PI4KA: variants seen among roughly 807,000 people sequenced by gnomAD.
PI4KA encodes the protein PI4-kinase alpha.
In PI4KA, 122 loss-of-function variants were observed where a neutral mutation model predicts 271.4. That is an observed-to-expected ratio of 0.45 (90% CI 0.39 to 0.52). The LOEUF (loss-of-function observed/expected upper bound fraction) is 0.52, where lower values mean the gene tolerates loss of function less well. Ranked by LOEUF, PI4KA falls within the 20% of genes least tolerant of loss-of-function variation. The pLI is 0.00. For synonymous variants in PI4KA, 1,041 were observed against 1,078.8 expected (o/e 0.96, Z 0.69); for missense variants, 1,969 against 2,769.1 (o/e 0.71, Z 6.48).
intron 7 of PI4KA, among the ~76,000 whole-genome samples, chr22:20,817,260 G>C (rs773291089): frequency 1.6e-4 from 25 of 152,060 alleles, no homozygotes; most frequent in Non-Finnish European, 2.8e-4. Context: ...TTCAAAAAAG[G>C]AGAGACTATA....
rs4675 is a variant in PI4KA at position 20,787,012 on chromosome 22, T to C, written c.2328+6181A>G. Reference sequence around the variant, plus strand: ...CCTTTCTTTTCCTCATCTACGAGCATCGCACCAGCTGCCTGCTCTTCATGG... The same window carrying C: ...CCTTTCTTTTCCTCATCTACGAGCACCGCACCAGCTGCCTGCTCTTCATGG... On this transcript the variant is annotated intron_variant, in intron 19 of 54. Coordinates refer to ENST00000255882, the MANE Select transcript of PI4KA (RefSeq NM_058004.4). The C allele has an allele frequency of 0.45, 725,893 of 1,613,654 alleles. 166,141 individuals carry two copies. Among genetic ancestry groups the C allele is most frequent in the African/African-American group, 0.59 (44,205 of 74,876 alleles).
chr22:20,712,830 T>G, intron 48 of PI4KA, 33 bp from the exon 49 acceptor site: 1 of 1,550,586 alleles, frequency 6.4e-7, no homozygotes, highest in Non-Finnish European at 8.7e-7. Context: ...ATGCGGTCAG[T>G]TGGCGTCCTT....
At chr22:20,855,537 G>A (rs1927490143) in intron 1 of PI4KA, among the ~76,000 whole-genome samples, 1 of 152,132 alleles carries the variant, frequency 6.6e-6, no homozygotes, top group Admixed American at 6.6e-5. Flanking sequence ...TTTTTACAGT[G>A]AATGGATATC....
chr22:20,786,948 T>C (rs771239760), intron 19 of PI4KA: 5 of 1,614,168 alleles, frequency 3.1e-6, no homozygotes, highest in Non-Finnish European at 4.2e-6. Flanking sequence ...GTGGGGTTCA[T>C]GCCGCTGTCC....
At chr22:20,849,058 C>T (rs981089261) in intron 1 of PI4KA, among the ~76,000 whole-genome samples, 3 of 152,028 alleles carry the variant, frequency 2.0e-5, no homozygotes, top group Non-Finnish European at 4.4e-5. Context: ...TACAAATACC[C>T]CAAAAGAGTG....
At chr22:20,785,925 G>A (rs1199725456) in intron 19 of PI4KA, 2 of 1,570,808 alleles carry the variant, frequency 1.3e-6, no homozygotes, top group African/African-American at 1.4e-5. Flanking sequence ...ATAACCCGTG[G>A]CCCTTTAAAG....
intron 19 of PI4KA, among the ~76,000 whole-genome samples, chr22:20,780,596 T>G (rs1336077773): frequency 6.6e-6 from 1 of 151,660 alleles, no homozygotes; most frequent in African/African-American, 2.4e-5. Context: ...ACCAACATGG[T>G]GAAAACCTGG....
At chr22:20,743,382 A>G (rs1480667626) in intron 30 of PI4KA, among the ~76,000 whole-genome samples, 1 of 151,992 alleles carries the variant, frequency 6.6e-6, no homozygotes, top group African/African-American at 2.4e-5. Flanking sequence ...GACCTCAAAT[A>G]ATCCGCCCAC....
chr22:20,799,321 C>A (rs765897729), intron 15 of PI4KA, 45 bp from the exon 16 acceptor site: 1 of 1,474,414 alleles, frequency 6.8e-7, no homozygotes. Flanking sequence ...GTCCCTCCAG[C>A]ATGCAGTAGT....
At chr22:20,819,032 G>T (rs1205179891) in intron 6 of PI4KA, among the ~76,000 whole-genome samples, 1 of 152,208 alleles carries the variant, frequency 6.6e-6, no homozygotes, top group African/African-American at 2.4e-5. Flanking sequence ...GGAGCCAGGG[G>T]ACCAGAGCAA....
Position 20,779,409 on chromosome 22 carries a change from G to A in PI4KA, c.2329-13716C>T, listed in dbSNP as rs772229149. On this transcript the variant is annotated intron_variant, in intron 19 of 54. Coordinates refer to ENST00000255882, the MANE Select transcript of PI4KA (RefSeq NM_058004.4). ...GCTGGATCAGCTAGAGAAAGGAGGG[G>A]AAACTGCTCAGTCTGCAGATCCCCA... 4.3e-6 allele frequency: 7 copies of A among 1,614,234 alleles called. No homozygotes were observed. The East Asian group carries it at 1.6e-4, about 36-fold the overall frequency.
chr22:20,750,834 C>G (rs1363376943), intron 27 of PI4KA, among the ~76,000 whole-genome samples: 1 of 152,210 alleles, frequency 6.6e-6, no homozygotes, highest in African/African-American at 2.4e-5. Context: ...CCCAGTACAT[C>G]CTCCTCTTTT....
At chr22:20,788,704 C>T (rs538275631) in intron 19 of PI4KA, among the ~76,000 whole-genome samples, 262 of 152,210 alleles carry the variant, frequency 1.7e-3, no homozygotes, top group African/African-American at 3.2e-3. Flanking sequence ...TGCGGATGGC[C>T]CACTCCTTCA....
chr22:20,768,746 G>A (rs1932751955), intron 19 of PI4KA, among the ~76,000 whole-genome samples: 1 of 152,166 alleles, frequency 6.6e-6, no homozygotes, highest in Admixed American at 6.5e-5. Context: ...GGGGTGCAGG[G>A]CAGGCTCTGG....
At chr22:20,812,742 G>C (rs1392681196) in intron 8 of PI4KA, among the ~76,000 whole-genome samples, 2 of 152,124 alleles carry the variant, frequency 1.3e-5, no homozygotes, top group African/African-American at 4.8e-5. Context: ...TTTTAGTAGA[G>C]ATGGGATTTC....
chr22:20,751,254 A>C (rs764991816), intron 27 of PI4KA, 39 bp downstream of exon 27: 1 of 1,503,530 alleles, frequency 6.7e-7, no homozygotes, highest in Non-Finnish European at 9.2e-7. Context: ...GAATTGTGGT[A>C]AAGATGGCCC....
chr22:20,787,253 T>C (rs1012190263), intron 19 of PI4KA: 25 of 634,950 alleles, frequency 3.9e-5, no homozygotes, highest in African/African-American at 2.9e-4. Flanking sequence ...TTCTGCACAA[T>C]AGCCCATGCT....
At chr22:20,857,258 T>C (rs1927713902) in intron 1 of PI4KA, among the ~76,000 whole-genome samples, 1 of 152,224 alleles carries the variant, frequency 6.6e-6, no homozygotes, top group South Asian at 2.1e-4. Context: ...AGAGGTTCCA[T>C]TTTCCAAACT....
intron 3 of PI4KA, among the ~76,000 whole-genome samples, chr22:20,830,458 T>C (rs946046619): frequency 6.6e-6 from 1 of 152,232 alleles, no homozygotes; most frequent in African/African-American, 2.4e-5. Context: ...GAAATCAGAA[T>C]AGCAATCCCT....
Sources: allele counts gnomAD v4.1 joint callset (sites outside exome capture counted in the v4.1 genomes callset), GRCh38; gene constraint gnomAD v4.1.1; transcripts MANE v1.5; gene names NCBI Gene and HGNC (gene_info 2026-07-23, HGNC 2026-07-21).